Variants in MGAT4A observed in about 807,000 individuals in gnomAD.
MGAT4A encodes the protein N-acetylglucosaminyltransferase IVa.
In MGAT4A, 33 loss-of-function variants were observed where a neutral mutation model predicts 74.1. The ratio of observed to expected loss-of-function variants is 0.45; its 90% CI spans 0.34 to 0.60. MGAT4A has a LOEUF of 0.60. Among genes scored for constraint, MGAT4A ranks in the 20% least tolerant of loss-of-function variants. The probability of loss-of-function intolerance (pLI) is 0.02; values close to 1 mark genes in which losing one functional copy is unlikely to be tolerated. For missense variants in MGAT4A, 479 were observed against 628.3 expected, an observed-to-expected ratio of 0.76 and a Z score of 2.54; for synonymous variants, 198 against 210.4, an observed-to-expected ratio of 0.94 and a Z score of 0.51.
chr2:98,700,538 A>G (rs916092127), intron 2 of MGAT4A, among the ~76,000 whole-genome samples: 1 of 152,070 alleles, frequency 6.6e-6, no homozygotes, highest in Non-Finnish European at 1.5e-5. Flanking sequence ...AACATTTACC[A>G]TATTGCAAAT....
chr2:98,674,791 A>C (rs1701956099), intron 4 of MGAT4A, among the ~76,000 whole-genome samples: 2 of 152,212 alleles, frequency 1.3e-5, no homozygotes, highest in Non-Finnish European at 1.5e-5. Flanking sequence ...AAAGGTGTCA[A>C]CATTTGTCTG....
intron 4 of MGAT4A, among the ~76,000 whole-genome samples, chr2:98,664,080 A>G (rs1015356907): frequency 1.3e-5 from 2 of 151,816 alleles, no homozygotes; most frequent in Non-Finnish European, 2.9e-5. Context: ...GGTGGCGCAC[A>G]CCTATAATCC....
intron 14 of MGAT4A, among the ~76,000 whole-genome samples, chr2:98,626,580 G>T (rs913390745): frequency 6.6e-6 from 1 of 152,108 alleles, no homozygotes; most frequent in African/African-American, 2.4e-5. Context: ...CAGTCCTTGT[G>T]GGCCAAGAGG....
intron 2 of MGAT4A, among the ~76,000 whole-genome samples, chr2:98,703,594 C>G (rs557191279): frequency 6.6e-6 from 1 of 152,308 alleles, no homozygotes; most frequent in African/African-American, 2.4e-5. Flanking sequence ...GACTGTGGTA[C>G]ACCCTCGGCA....
intron 2 of MGAT4A, among the ~76,000 whole-genome samples, chr2:98,691,903 C>G (rs1027243086): frequency 6.6e-6 from 1 of 151,978 alleles, no homozygotes; most frequent in African/African-American, 2.4e-5. Flanking sequence ...GTGTATGTCT[C>G]TTCCTTTTTA....
chr2:98,625,716 T>A lies in MGAT4A; in HGVS notation c.1581+7A>T. The A allele has an allele frequency of 6.2e-7, 1 of 1,605,296 alleles. No homozygotes were observed. The highest frequency in any genetic ancestry group is 8.5e-7 in the Non-Finnish European group (1 of 1,172,552). On this transcript the variant is annotated splice_region_variant and intron_variant, in intron 15 of 15. Coordinates refer to ENST00000393487, the MANE Select transcript of MGAT4A (RefSeq NM_012214.3). The stretch of plus-strand genomic sequence containing the variant: ...TAAGTTGTTTCACTGATTTGATATA[T>A]GCTTACCTCATTAAGAATGGCCCAA...
Position 98,624,576 on chromosome 2 carries a change from C to T in MGAT4A, c.*990G>A, listed in dbSNP as rs1701116220. Reference sequence around the variant, plus strand: ...AATTATGACTCATACAATAGCAACACCTAGAAAACATTTTGTCTGACGTCA... The same window carrying T: ...AATTATGACTCATACAATAGCAACATCTAGAAAACATTTTGTCTGACGTCA... On this transcript the variant is annotated 3_prime_UTR_variant, in exon 16 of 16. Transcript: ENST00000393487. The T allele has an allele frequency of 1.8e-5, 18 of 984,434 alleles. No individual in the cohort carries two copies. Among genetic ancestry groups the T allele is most frequent in the Non-Finnish European group, 2.2e-5 (18 of 829,206 alleles). 61.0% of individuals were successfully genotyped at this position (984,434 alleles called of 1,614,324 possible).
intron 2 of MGAT4A, among the ~76,000 whole-genome samples, chr2:98,725,323 T>C (rs1702745782): frequency 1.3e-5 from 2 of 152,102 alleles, no homozygotes; most frequent in South Asian, 2.1e-4. Context: ...AACATATACA[T>C]GCACATACAG....
intron 2 of MGAT4A, among the ~76,000 whole-genome samples, chr2:98,681,174 T>G (rs1457548199): frequency 6.6e-6 from 1 of 152,028 alleles, no homozygotes; most frequent in Non-Finnish European, 1.5e-5. Flanking sequence ...GTAGAGATGG[T>G]GTTTCACCGT....
rs116796227 is a variant in MGAT4A, at chr2:98,640,363, A to G, written c.1021-135T>C. On this transcript the variant is annotated intron_variant, in intron 10 of 15. Transcript: ENST00000393487. ...GGTGGGTCATGCCTATAATCCCAGC[A>G]TGTTGAAAGGCCAAGGCAGGTGGAT... 2,439 of 697,618 alleles carry G rather than the reference A, an allele frequency of 3.5e-3. 47 individuals carry two copies. The African/African-American group carries it at 0.041, about 12-fold the overall frequency. 43.2% of individuals were successfully genotyped at this position (697,618 alleles called of 1,614,324 possible).
intron 8 of MGAT4A, among the ~76,000 whole-genome samples, chr2:98,652,182 C>T (rs941269769): frequency 2.0e-5 from 3 of 152,132 alleles, no homozygotes; most frequent in African/African-American, 7.2e-5. Context: ...AAGGAAACAT[C>T]GGACTTAAAC....
chr2:98,657,693 C>T (rs969431421), intron 6 of MGAT4A, among the ~76,000 whole-genome samples: 1 of 152,094 alleles, frequency 6.6e-6, no homozygotes, highest in Non-Finnish European at 1.5e-5. Context: ...TTTTATTACG[C>T]TATTGAAACT....
chr2:98,681,157 A>G (rs1237451561), intron 2 of MGAT4A, among the ~76,000 whole-genome samples: 3 of 151,860 alleles, frequency 2.0e-5, no homozygotes, highest in Admixed American at 6.6e-5. Flanking sequence ...TAATTTTTCT[A>G]TTTTTAGTAG....
chr2:98,723,509 A>C (rs535666380), intron 2 of MGAT4A, among the ~76,000 whole-genome samples: 126 of 152,222 alleles, frequency 8.3e-4, no homozygotes, highest in Non-Finnish European at 8.8e-5. Context: ...TTAAAACAGC[A>C]TGTTGCTCCA....
At chr2:98,640,837 A>G (rs1701396280) in intron 10 of MGAT4A, among the ~76,000 whole-genome samples, 2 of 152,234 alleles carry the variant, frequency 1.3e-5, no homozygotes, top group African/African-American at 4.8e-5. Context: ...TTTAATATTA[A>G]AATGAATAAA....
intron 2 of MGAT4A, among the ~76,000 whole-genome samples, chr2:98,681,421 G>T (rs1702058170): frequency 6.6e-6 from 1 of 152,108 alleles, no homozygotes; most frequent in South Asian, 2.1e-4. Flanking sequence ...ATCAGAATAC[G>T]TTATATGGTT....
At chr2:98,670,680 T>C (rs1701898921) in intron 4 of MGAT4A, among the ~76,000 whole-genome samples, 1 of 152,160 alleles carries the variant, frequency 6.6e-6, no homozygotes, top group African/African-American at 2.4e-5. Flanking sequence ...TTTCCTTATA[T>C]CTCATGACAG....
rs1243241248 is a variant in MGAT4A, at chr2:98,623,145, G to A, written c.*2421C>T. On this transcript the variant is annotated 3_prime_UTR_variant, in exon 16 of 16. Transcript: ENST00000393487. ...ACCCTAGGCACGGGTAGATTCATGG[G>A]GAGAGAAGCACAAAAAAGTCCTGGA... 4 of 985,440 alleles carry A rather than the reference G, an allele frequency of 4.1e-6. No individual in the cohort carries two copies. Among genetic ancestry groups the A allele is most frequent in the Non-Finnish European group, 4.8e-6 (4 of 829,952 alleles). The allele number at this position is 985,440 out of a possible 1,614,324, so 61.0% of individuals were successfully genotyped here. A position where few individuals can be genotyped will look rare whatever the true frequency, so the allele number is the denominator to read the frequency against.
intron 8 of MGAT4A, among the ~76,000 whole-genome samples, chr2:98,651,575 TAGAA>T (rs1418585028): frequency 1.3e-5 from 2 of 151,238 alleles, no homozygotes; most frequent in Non-Finnish European, 3.0e-5. Flanking sequence ...CAAAAGGAAA[TAGAA>T]AGGGAATCAA....
Sources: allele counts gnomAD v4.1 joint callset (sites outside exome capture counted in the v4.1 genomes callset), GRCh38; gene constraint gnomAD v4.1.1; transcripts MANE v1.5; gene names NCBI Gene and HGNC (gene_info 2026-07-23, HGNC 2026-07-21).